The following SMAP2 variants were observed in gnomAD, a reference collection of about 807,000 sequenced individuals.
SMAP2 encodes stromal membrane-associated protein 2.
SMAP2 carries 25 observed loss-of-function variants against 56.4 expected under a neutral mutation model. That is an observed-to-expected ratio of 0.44 (90% CI 0.32 to 0.62). The LOEUF is 0.62. Ranked by LOEUF, SMAP2 falls within the 20% of genes least tolerant of loss-of-function variation. The probability of loss-of-function intolerance (pLI) is 0.04; values close to 1 mark genes in which losing one functional copy is unlikely to be tolerated. For synonymous variants in SMAP2, 157 were observed against 181.7 expected (o/e 0.86, Z 1.09); for missense variants, 388 against 545.6 (o/e 0.71, Z 2.88).
At chr1:40,396,801 C>A in intron 1 of SMAP2, 1 of 981,954 alleles carries the variant, frequency 1.0e-6, no homozygotes, top group African/African-American at 1.7e-5. Context: ...AGCAGCCCTA[C>A]ACAATTTTTC....
In SMAP2 at chr1:40,387,145, G is replaced by A. The variant is rs190980157; in HGVS notation, c.103+12922G>A. ...CAGGATTACAGGCATCAACCACCAT[G>A]CCCGGCCTTATTTTTCATAATTCTT... is the stretch of plus-strand genomic sequence containing the variant. On this transcript the variant is annotated intron_variant, in intron 1 of 9. Coordinates refer to ENST00000372718, the MANE Select transcript of SMAP2 (RefSeq NM_022733.3). Among the ~76,000 whole-genome samples, 180 of 152,234 alleles carry A rather than the reference G, an allele frequency of 1.2e-3. 1 individual carries two copies. The highest frequency in any genetic ancestry group is 1.9e-3 in the Non-Finnish European group (132 of 68,012).
In SMAP2 at chr1:40,374,810, G is replaced by C; in HGVS notation, c.103+587G>C. 6.5e-7 allele frequency: 1 copy of C among 1,549,488 alleles called. No homozygotes were observed. Among genetic ancestry groups the C allele is most frequent in the Non-Finnish European group, 8.7e-7 (1 of 1,146,366 alleles). On this transcript the variant is annotated intron_variant, in intron 1 of 9. Coordinates refer to ENST00000372718, the MANE Select transcript of SMAP2 (RefSeq NM_022733.3). This position sits in a 1 kb window ranked among gnomAD's most constrained non-coding sequence, Gnocchi z 5.9. ...CTTAGGTGACTTTATTCTTCTGGAT[G>C]TGTGCAGTGGGAAACTGCCTTATGC...
chr1:40,377,786 C>T (rs892673394), intron 1 of SMAP2, among the ~76,000 whole-genome samples: 3 of 152,160 alleles, frequency 2.0e-5, no homozygotes. Flanking sequence ...GCCACCCCGT[C>T]AGAGACTGTG....
chr1:40,345,022 G>A (rs1323668277), intron 1 of SMAP2: 1 of 150,278 alleles, frequency 6.7e-6, no homozygotes, highest in African/African-American at 2.5e-5. Flanking sequence ...AGTTGTGAGA[G>A]GAGTTTCTTT....
intron 1 of SMAP2, among the ~76,000 whole-genome samples, chr1:40,357,689 TC>T (rs1008019306): frequency 9.2e-5 from 14 of 152,180 alleles, no homozygotes; most frequent in African/African-American, 3.4e-4. Context: ...GACTGTTTTT[TC>T]CCCAGTCAAT....
Position 40,422,101 on chromosome 1 carries a change from A to G in SMAP2, c.1290A>G (p.Ter430=). ...NQTLSPQMWK[*] ...CTCTCAGTCCTCAGATGTGGAAATA[A>G]AAACAAAACACCTGTATGGCTGCCA... Residue 430 remains the stop codon, a stop_retained_variant, in exon 10 of 10, where the codon TAA becomes TAG. Transcript: ENST00000372718. 6.2e-7 allele frequency: 1 copy of G among 1,613,998 alleles called. No individual in the cohort carries two copies.
In SMAP2 at chr1:40,385,877, T is replaced by C. The variant is rs1644649071; in HGVS notation, c.103+11654T>C. 6.6e-6 allele frequency among the ~76,000 whole-genome samples: 1 copy of C among 152,154 alleles called. No individual in the cohort carries two copies. Among genetic ancestry groups the C allele is most frequent in the Non-Finnish European group, 1.5e-5 (1 of 68,030 alleles). ...TTGTCTAACTGGAAGTCCCCAAATG[T>C]GTGGATTTAGAAATGAGTTCTCTAG... On this transcript the variant is annotated intron_variant, in intron 1 of 9. Transcript: ENST00000372718. The surrounding 1 kb of genome is among the most constrained non-coding windows in gnomAD (Gnocchi z 4.5).
intron 1 of SMAP2, among the ~76,000 whole-genome samples, chr1:40,403,491 C>T (rs552312870): frequency 2.0e-5 from 3 of 151,960 alleles, no homozygotes; most frequent in African/African-American, 4.8e-5. Flanking sequence ...GACGACAGAG[C>T]GAGACTCTGT....
chr1:40,421,238 T>A (rs183556823), intron 9 of SMAP2, among the ~76,000 whole-genome samples: 22 of 152,274 alleles, frequency 1.4e-4, no homozygotes, highest in Non-Finnish European at 2.9e-4. Flanking sequence ...AAATAATAGT[T>A]TCTCCTAAAG....
At chr1:40,363,137 A>ATAT (rs1644466367) in intron 2 of SMAP2, among the ~76,000 whole-genome samples, 2 of 152,218 alleles carry the variant, frequency 1.3e-5, no homozygotes, top group African/African-American at 4.8e-5. Flanking sequence ...ACTGTCAATA[A>ATAT]TATTAAGTCA....
chr1:40,380,231 T>G (rs1162509554), intron 1 of SMAP2, among the ~76,000 whole-genome samples: 3 of 152,214 alleles, frequency 2.0e-5, no homozygotes, highest in Non-Finnish European at 4.4e-5. Context: ...CCCTAGTCTT[T>G]AAGCCAAAAC....
At chr1:40,406,114 A>G (rs905576189) in intron 1 of SMAP2, among the ~76,000 whole-genome samples, 12 of 152,198 alleles carry the variant, frequency 7.9e-5, no homozygotes, top group Admixed American at 6.5e-4. Flanking sequence ...AAAACCGAAT[A>G]CAGGCCACCA....
At position 40,374,229 on chromosome 1, in the gene SMAP2, G is replaced by T. The variant is rs1214753413; in HGVS notation, c.103+6G>T. ...TGCAGATTGCCAGTCTAAAGGTAGC[G>T]CATCCCACCTGGCGGGCCAGGGGTC... On this transcript the variant is annotated splice_donor_region_variant and intron_variant, in intron 1 of 9. Transcript: ENST00000372718. The surrounding 1 kb of genome is among the most constrained non-coding windows in gnomAD (Gnocchi z 5.9). 6.2e-7 allele frequency: 1 copy of T among 1,606,548 alleles called. No homozygotes were observed. Among genetic ancestry groups the T allele is most frequent in the Middle Eastern group, 1.7e-4 (1 of 6,046 alleles).
chr1:40,348,273 T>A (rs1397299791), intron 1 of SMAP2, among the ~76,000 whole-genome samples: 1 of 152,236 alleles, frequency 6.6e-6, no homozygotes, highest in Non-Finnish European at 1.5e-5. Context: ...TGATATGTAT[T>A]TCTGAATTGT....
intron 1 of SMAP2, among the ~76,000 whole-genome samples, chr1:40,352,983 C>T (rs563419507): frequency 6.6e-6 from 1 of 152,342 alleles, no homozygotes; most frequent in South Asian, 2.1e-4. Context: ...CAGATGGAGT[C>T]AGGCATGACG....
At chr1:40,383,377 T>C (rs1478601282) in intron 1 of SMAP2, among the ~76,000 whole-genome samples, 2 of 152,156 alleles carry the variant, frequency 1.3e-5, no homozygotes, top group Non-Finnish European at 2.9e-5. Context: ...CTGAAATCAG[T>C]TGGCAAAGGG....
chr1:40,372,564 G>A (rs554171984), upstream of SMAP2, among the ~76,000 whole-genome samples: 270 of 152,282 alleles, frequency 1.8e-3, 1 homozygote, highest in Non-Finnish European at 3.4e-3. Context: ...AGTCCCCTAG[G>A]CATGGCTAGA....
intron 2 of SMAP2, among the ~76,000 whole-genome samples, chr1:40,363,938 T>G (rs1644469195): frequency 6.6e-6 from 1 of 152,214 alleles, no homozygotes; most frequent in African/African-American, 2.4e-5. Context: ...CGAAGCTCAC[T>G]AAGCTTAGTC....
intron 8 of SMAP2, 78 bp downstream of exon 8, chr1:40,416,419 G>T: frequency 6.7e-7 from 1 of 1,498,928 alleles, no homozygotes; most frequent in Non-Finnish European, 9.0e-7. Context: ...TATTGTGACA[G>T]AGGACAGTTG....
Sources: allele counts gnomAD v4.1 joint callset (sites outside exome capture counted in the v4.1 genomes callset), GRCh38; gene constraint gnomAD v4.1.1; non-coding constraint Gnocchi (gnomAD v3.1); transcripts MANE v1.5; gene names NCBI Gene and HGNC (gene_info 2026-07-23, HGNC 2026-07-21).